The following NKAIN3 variants were observed in gnomAD, a reference collection of about 807,000 sequenced individuals.
NKAIN3 encodes sodium/potassium transporting ATPase interacting 3, also known as sodium/potassium-transporting ATPase subunit beta-1-interacting protein 3.
NKAIN3 carries 25 observed loss-of-function variants against 30.2 expected under a neutral mutation model. That is an observed-to-expected ratio of 0.83 (90% CI 0.60 to 1.16). The LOEUF (loss-of-function observed/expected upper bound fraction) is 1.16. Ranked by LOEUF, NKAIN3 falls within the 50% of genes most tolerant of loss-of-function variation. NKAIN3 has a pLI of 0.00. For missense variants in NKAIN3, 225 were observed against 254.1 expected (o/e 0.89, Z 0.78); for synonymous variants, 91 against 89.6 (o/e 1.02, Z -0.09).
At chr8:62,602,555 T>G (rs1019364799) in intron 3 of NKAIN3, among the ~76,000 whole-genome samples, 3 of 152,080 alleles carry the variant, frequency 2.0e-5, no homozygotes, top group African/African-American at 7.2e-5. Flanking sequence ...TATGACAACA[T>G]TGGTCATAAA....
Position 62,975,287 on chromosome 8 carries a change from T to C in NKAIN3, c.*9880T>C, listed in dbSNP as rs539695685. On this transcript the variant is annotated 3_prime_UTR_variant, in exon 7 of 7. Coordinates refer to ENST00000623646, the MANE Select transcript of NKAIN3 (RefSeq NM_001304533.3). ...AGAGTTCAGCTATGAGTCCATCTGG[T>C]CCTGGGCTTTTTTTTTTAGTTGGTC... is the stretch of plus-strand genomic sequence containing the variant. Among the ~76,000 whole-genome samples the C allele has an allele frequency of 5.3e-5, 8 of 152,202 alleles. No homozygotes were observed. The South Asian group carries it at 6.2e-4, about 12-fold the overall frequency.
Position 62,616,214 on chromosome 8 carries a change from C to T in NKAIN3, c.273+26420C>T, listed in dbSNP as rs558950929. Among the ~76,000 whole-genome samples, 125 of 152,172 alleles carry T rather than the reference C, an allele frequency of 8.2e-4. 2 individuals are homozygous for T. Among genetic ancestry groups the T allele is most frequent in the African/African-American group, 2.8e-3 (117 of 41,518 alleles). On this transcript the variant is annotated intron_variant, in intron 3 of 6. Coordinates refer to ENST00000623646, the MANE Select transcript of NKAIN3 (RefSeq NM_001304533.3). ...GTCCAACAACTCCCTTTAATTCTGACACTACCTAGAGCTAGCATAGACCCC... is the reference window on the plus strand; with the variant it reads ...GTCCAACAACTCCCTTTAATTCTGATACTACCTAGAGCTAGCATAGACCCC...
chr8:62,265,337 A>G (rs1005011031), intron 1 of NKAIN3, among the ~76,000 whole-genome samples: 2 of 152,206 alleles, frequency 1.3e-5, no homozygotes, highest in African/African-American at 4.8e-5. Context: ...TCTAAACAAG[A>G]TGTGTTGTGA....
At chr8:62,885,326 C>T (rs1257842685) in intron 4 of NKAIN3, among the ~76,000 whole-genome samples, 1 of 151,960 alleles carries the variant, frequency 6.6e-6, no homozygotes, top group African/African-American at 2.4e-5. Flanking sequence ...TAGTTTAATC[C>T]CACTGTGGTC....
intron 1 of NKAIN3, among the ~76,000 whole-genome samples, chr8:62,293,554 T>C (rs1813722879): frequency 6.6e-6 from 1 of 152,130 alleles, no homozygotes. Flanking sequence ...GAACAGCAAA[T>C]ATTGCAGAAT....
intron 4 of NKAIN3, among the ~76,000 whole-genome samples, chr8:62,858,915 T>G (rs1384767728): frequency 6.6e-6 from 1 of 152,164 alleles, no homozygotes; most frequent in African/African-American, 2.4e-5. Context: ...CCTAGGGGTA[T>G]GTACAGACAC....
intron 1 of NKAIN3, among the ~76,000 whole-genome samples, chr8:62,520,732 A>G (rs1003463749): frequency 3.2e-4 from 48 of 152,206 alleles, no homozygotes; most frequent in Non-Finnish European, 6.8e-4. Flanking sequence ...TTTCGAGTAT[A>G]CAGGTGGCTA....
intron 1 of NKAIN3, among the ~76,000 whole-genome samples, chr8:62,345,598 TACACATATATGTATATAC>T (rs1457222431): frequency 1.8e-4 from 26 of 147,792 alleles, no homozygotes; most frequent in African/African-American, 4.7e-4. Context: ...CACACATATA[TACACATATATGTATATAC>T]ACACATATAT....
chr8:62,829,758 A>AGATAGATAGATAGATAGATAGAT (rs1399097142), intron 4 of NKAIN3, among the ~76,000 whole-genome samples: 22 of 152,114 alleles, frequency 1.4e-4, no homozygotes, highest in African/African-American at 5.1e-4. Flanking sequence ...ATAGATAGAT[A>AGATAGATAGATAGATAGATAGAT]GATAGATAGA....
chr8:62,470,486 G>T (rs1367147122), intron 1 of NKAIN3, among the ~76,000 whole-genome samples: 1 of 152,064 alleles, frequency 6.6e-6, no homozygotes, highest in Non-Finnish European at 1.5e-5. Context: ...TTGTGGACAT[G>T]TTGACTTAAT....
intron 6 of NKAIN3, among the ~76,000 whole-genome samples, chr8:62,958,294 G>A (rs919098234): frequency 6.6e-6 from 1 of 152,132 alleles, no homozygotes. Context: ...AAGCTATCGA[G>A]ATGCTTTCAG....
intron 1 of NKAIN3, among the ~76,000 whole-genome samples, chr8:62,524,845 G>A (rs556309476): frequency 2.2e-4 from 34 of 152,122 alleles, no homozygotes; most frequent in Non-Finnish European, 2.5e-4. Context: ...ATGAATACAG[G>A]TCTACACAGA....
chr8:62,555,220 C>G (rs1265602325), intron 1 of NKAIN3, among the ~76,000 whole-genome samples: 1 of 151,788 alleles, frequency 6.6e-6, no homozygotes, highest in Non-Finnish European at 1.5e-5. Context: ...ATAAAAAATT[C>G]AGAATACATA....
In NKAIN3 at chr8:62,965,538, G is replaced by C. The variant is rs562045838; in HGVS notation, c.*131G>C. Reference sequence around the variant, plus strand: ...TTTGGTCACAGCCTTTGTATTATTAGCATTGTTCTCTAGATGAGTTCTAGG... The same window carrying C: ...TTTGGTCACAGCCTTTGTATTATTACCATTGTTCTCTAGATGAGTTCTAGG... On this transcript the variant is annotated 3_prime_UTR_variant, in exon 7 of 7. Transcript: ENST00000623646. 2.0e-6 allele frequency: 2 copies of C among 982,992 alleles called. No individual in the cohort carries two copies. Among genetic ancestry groups the C allele is most frequent in the East Asian group, 2.3e-4 (2 of 8,700 alleles). 60.9% of individuals were successfully genotyped at this position (982,992 alleles called of 1,614,324 possible). A position where few individuals can be genotyped will look rare whatever the true frequency, so the allele number is the denominator to read the frequency against.
chr8:62,951,117 G>T (rs1238260956), intron 5 of NKAIN3, among the ~76,000 whole-genome samples: 1 of 151,970 alleles, frequency 6.6e-6, no homozygotes, highest in African/African-American at 2.4e-5. Flanking sequence ...TATGTACTTG[G>T]ATAGGAGTAG....
At chr8:62,435,808 T>A (rs1805155546) in intron 1 of NKAIN3, among the ~76,000 whole-genome samples, 1 of 152,220 alleles carries the variant, frequency 6.6e-6, no homozygotes, top group Non-Finnish European at 1.5e-5. Flanking sequence ...AAGATGTACA[T>A]CTAAGTATTC....
At chr8:62,907,519 C>T (rs1263769088) in intron 4 of NKAIN3, among the ~76,000 whole-genome samples, 1 of 152,144 alleles carries the variant, frequency 6.6e-6, no homozygotes. Context: ...ATGGCAGCGC[C>T]CCCCATAACA....
chr8:62,555,461 G>T (rs1042491900), intron 1 of NKAIN3, among the ~76,000 whole-genome samples: 2 of 151,956 alleles, frequency 1.3e-5, no homozygotes, highest in South Asian at 2.1e-4. Context: ...AGTGGATAGG[G>T]TTAGCAGATT....
intron 3 of NKAIN3, among the ~76,000 whole-genome samples, chr8:62,663,567 C>A (rs980127957): frequency 1.4e-4 from 21 of 152,174 alleles, no homozygotes; most frequent in African/African-American, 5.1e-4. Context: ...TCTACTACAT[C>A]TGAATACCCA....
Sources: allele counts gnomAD v4.1 joint callset (sites outside exome capture counted in the v4.1 genomes callset), GRCh38; gene constraint gnomAD v4.1.1; transcripts MANE v1.5; gene names NCBI Gene and HGNC (gene_info 2026-07-23, HGNC 2026-07-21).